Variants in SLC25A48 observed in about 807,000 individuals in gnomAD.
The protein encoded by SLC25A48 is solute carrier family 25 member 48.
A neutral mutation model predicts 32.2 loss-of-function variants in SLC25A48; 29 were observed. That is an observed-to-expected ratio of 0.90 (90% CI 0.67 to 1.23). The LOEUF (loss-of-function observed/expected upper bound fraction) is 1.23. SLC25A48 is among the 50% of genes most tolerant of loss of function. The probability of loss-of-function intolerance (pLI) is 0.00; values close to 1 mark genes in which losing one functional copy is unlikely to be tolerated. For missense variants in SLC25A48, 399 were observed against 422.7 expected (o/e 0.94, Z 0.49); for synonymous variants, 164 against 172.3 (o/e 0.95, Z 0.38).
intron 3 of SLC25A48, among the ~76,000 whole-genome samples, chr5:135,734,459 C>T (rs2126994674): frequency 6.6e-6 from 1 of 152,100 alleles, no homozygotes; most frequent in East Asian, 1.9e-4. Flanking sequence ...TCAATACCCG[C>T]AACAGTTATG....
rs879739628 is a variant in SLC25A48 at position 135,776,993 on chromosome 5, C to G, written c.-520-35530C>G. Among the ~76,000 whole-genome samples, 227 of 151,790 alleles carry G rather than the reference C, an allele frequency of 1.5e-3. 1 individual carries two copies. Among genetic ancestry groups the G allele is most frequent in the Admixed American group, 3.4e-3 (52 of 15,220 alleles). ...GAGCATGATATTACTGCCAATATGG[C>G]AGGGAGAGTACCCCCCTTTTATGAT... On this transcript the variant is annotated intron_variant, in intron 3 of 10. Transcript: ENST00000646290.
At chr5:135,659,909 A>G (rs1432796433) in intron 3 of SLC25A48, among the ~76,000 whole-genome samples, 2 of 152,220 alleles carry the variant, frequency 1.3e-5, no homozygotes, top group East Asian at 1.9e-4. Context: ...CCATGATTCA[A>G]TCACCTCCCA....
intron 4 of SLC25A48, among the ~76,000 whole-genome samples, chr5:135,869,307 T>G (rs921350093): frequency 9.2e-5 from 14 of 152,238 alleles, no homozygotes; most frequent in Non-Finnish European, 1.8e-4. Context: ...ATAATTATAC[T>G]GCACTAACAG....
chr5:135,716,292 C>G (rs558741859), intron 3 of SLC25A48, among the ~76,000 whole-genome samples: 1 of 152,198 alleles, frequency 6.6e-6, no homozygotes, highest in South Asian at 2.1e-4. Flanking sequence ...TGGGAGAGAA[C>G]TGCTCCACTC....
rs1256063904 is a variant in SLC25A48, at chr5:135,880,095, C to G, written c.*5C>G. ...CACGCAGTGACGAGCCCATAAGCGC[C>G]AGGTCAGTGTGCTTCCATCCTGGCC... On this transcript the variant is annotated splice_region_variant and 3_prime_UTR_variant, in exon 7 of 8. Transcript: ENST00000681962. 1 of 1,535,908 alleles carries G rather than the reference C, an allele frequency of 6.5e-7. No homozygotes were observed. Among genetic ancestry groups the G allele is most frequent in the East Asian group, 2.4e-5 (1 of 40,912 alleles).
intron 2 of SLC25A48, among the ~76,000 whole-genome samples, chr5:135,631,602 A>G (rs1752572578): frequency 6.6e-6 from 1 of 152,250 alleles, no homozygotes; most frequent in African/African-American, 2.4e-5. Flanking sequence ...CTAATTTTCC[A>G]GAACTAATCT....
intron 1 of SLC25A48, among the ~76,000 whole-genome samples, chr5:135,617,975 A>T (rs1360572483): frequency 6.6e-6 from 1 of 151,840 alleles, no homozygotes; most frequent in Non-Finnish European, 1.5e-5. Flanking sequence ...TTTCTTTGCT[A>T]GTTTTCTGTC....
At chr5:135,687,844 T>C (rs1754050300) in intron 3 of SLC25A48, among the ~76,000 whole-genome samples, 1 of 152,240 alleles carries the variant, frequency 6.6e-6, no homozygotes, top group South Asian at 2.1e-4. Flanking sequence ...GCATATGGGC[T>C]TTCTGATAAC....
intron 1 of SLC25A48, among the ~76,000 whole-genome samples, chr5:135,583,883 C>T (rs1751292915): frequency 6.6e-6 from 1 of 152,238 alleles, no homozygotes; most frequent in South Asian, 2.1e-4. Flanking sequence ...GCTGCCTCCT[C>T]TGTGCAGCTT....
chr5:135,856,430 C>G (rs963452591), intron 4 of SLC25A48, among the ~76,000 whole-genome samples: 3 of 152,180 alleles, frequency 2.0e-5, no homozygotes, highest in African/African-American at 7.2e-5. Flanking sequence ...AGAGCCCCAG[C>G]AGCTCACTCA....
rs575426573 is a variant in SLC25A48, at chr5:135,762,892, G to T, written c.-520-49631G>T. 6.6e-4 allele frequency among the ~76,000 whole-genome samples: 100 copies of T among 152,210 alleles called. 1 individual carries two copies. In the South Asian group the frequency reaches 0.021, roughly 31 times the overall value. ...TGTGAGTGTGAGAAACAGCAAATGT[G>T]AGTGTGTGAATGTGTGTTTGTGTGG... On this transcript the variant is annotated intron_variant, in intron 3 of 10. Coordinates refer to the SLC25A48 transcript ENST00000646290.
At chr5:135,870,463 T>C (rs1005779797) in intron 4 of SLC25A48, among the ~76,000 whole-genome samples, 22 of 152,172 alleles carry the variant, frequency 1.4e-4, no homozygotes, top group Non-Finnish European at 2.2e-4. Flanking sequence ...GAGTCTCAGC[T>C]GGCTATGTGC....
chr5:135,834,207 G>A (rs79310701), upstream of SLC25A48, among the ~76,000 whole-genome samples: 3,947 of 152,286 alleles, frequency 0.026, 162 homozygotes, highest in African/African-American at 0.089. Context: ...GGCCCAGGGC[G>A]GACAGTGTAG....
At chr5:135,876,301 G>C (rs1033507708) in intron 6 of SLC25A48, 1 of 151,838 alleles carries the variant, frequency 6.6e-6, no homozygotes, top group Non-Finnish European at 1.5e-5. Flanking sequence ...AAAGTCTGTA[G>C]AGGCAAAATA....
intron 3 of SLC25A48, among the ~76,000 whole-genome samples, chr5:135,775,606 G>A (rs573646098): frequency 7.2e-4 from 109 of 151,376 alleles, no homozygotes; most frequent in African/African-American, 2.6e-3. Context: ...TCTTAATAAC[G>A]CAGGAGGTGT....
At chr5:135,703,387 G>A (rs1002890118) in intron 3 of SLC25A48, among the ~76,000 whole-genome samples, 12 of 152,234 alleles carry the variant, frequency 7.9e-5, no homozygotes, top group African/African-American at 2.9e-4. Context: ...GACAAAGGGT[G>A]AGAAGCTGCC....
rs550010165 is a variant in SLC25A48 at position 135,855,822 on chromosome 5, G to A, written c.421+3001G>A. Among the ~76,000 whole-genome samples the A allele has an allele frequency of 2.0e-5, 3 of 152,308 alleles. No individual in the cohort carries two copies. The East Asian group carries it at 5.8e-4, about 29-fold the overall frequency. On this transcript the variant is annotated intron_variant, in intron 4 of 7. Coordinates refer to ENST00000681962, the MANE Select transcript of SLC25A48 (RefSeq NM_001349336.2). ...CCACATGCCAGGAAGTGCAGCAGGC[G>A]AGGCCTTGCTCCTGACCACCTGTCT...
At chr5:135,691,942 C>T (rs982574111) in intron 3 of SLC25A48, among the ~76,000 whole-genome samples, 1 of 152,100 alleles carries the variant, frequency 6.6e-6, no homozygotes, top group East Asian at 1.9e-4. Context: ...CTGCAGCAGC[C>T]CAGAAACATG....
intron 4 of SLC25A48, among the ~76,000 whole-genome samples, chr5:135,853,733 G>C (rs1760085265): frequency 6.6e-6 from 1 of 152,146 alleles, no homozygotes; most frequent in Admixed American, 6.5e-5. Context: ...CCAAACTCTT[G>C]TTAACATTGC....
Sources: allele counts gnomAD v4.1 joint callset (sites outside exome capture counted in the v4.1 genomes callset), GRCh38; gene constraint gnomAD v4.1.1; transcripts MANE v1.5; gene names NCBI Gene and HGNC (gene_info 2026-07-23, HGNC 2026-07-21).